The following INSR variants were observed in gnomAD, a reference collection of about 807,000 sequenced individuals.
INSR encodes the protein insulin receptor, also known as IR.
A neutral mutation model predicts 142.6 loss-of-function variants in INSR; 67 were observed. The observed-to-expected ratio is 0.47, with a 90% CI of 0.39 to 0.58. INSR has a LOEUF of 0.58. INSR is among the 20% of genes least tolerant of loss of function. INSR has a pLI of 0.00. For missense variants in INSR, 1,248 were observed against 1,833.2 expected (o/e 0.68, Z 5.83); for synonymous variants, 756 against 743.1 (o/e 1.02, Z -0.28).
In INSR at chr19:7,170,737, T is replaced by C; in HGVS notation, c.1283A>G (p.Tyr428Cys). The C allele has an allele frequency of 6.2e-7, 1 of 1,613,584 alleles. No homozygotes were observed. Among genetic ancestry groups the C allele is most frequent in the Non-Finnish European group, 8.5e-7 (1 of 1,179,530 alleles). The change falls in exon 6 of 22, where the codon TAT (tyrosine) becomes TGT (cysteine). Residue 428 changes from tyrosine to cysteine, a missense_variant. Physicochemically the swap from Tyr to Cys is radical, Grantham distance 194. This residue lies in a region of INSR where 1,069 missense variants were observed against 1,654.0 expected (regional missense o/e 0.65). Transcript: ENST00000302850. ...CCTTAGGTTCTGGTTGTCCAAGGCATAGAAGGAGTAGTTCCTATGGAAAAA... is the reference window on the plus strand; with the variant it reads ...CCTTAGGTTCTGGTTGTCCAAGGCACAGAAGGAGTAGTTCCTATGGAAAAA... ...ETLEIGNYSF[Y>C]ALDNQNLRQL...
At position 7,223,556 on chromosome 19, in the gene INSR, C is replaced by T. The variant is rs148433579; in HGVS notation, c.653-38919G>A. The stretch of plus-strand genomic sequence containing the variant: ...GTCACCCTAGTGACCCAATTTTGGC[C>T]TCCAGATATTGGCTTCTGGCCAATT... On this transcript the variant is annotated intron_variant, in intron 2 of 21. Transcript: ENST00000302850. Among the ~76,000 whole-genome samples the T allele has an allele frequency of 1.0e-3, 159 of 152,312 alleles. 2 individuals carry two copies. The highest frequency in any genetic ancestry group is 2.7e-3 in the African/African-American group (112 of 41,574).
chr19:7,240,428 A>G (rs1365875598), intron 2 of INSR, among the ~76,000 whole-genome samples: 6 of 152,142 alleles, frequency 3.9e-5, no homozygotes, highest in African/African-American at 1.4e-4. Flanking sequence ...ACAAAAATAC[A>G]TAAATTAGCC....
intron 2 of INSR, among the ~76,000 whole-genome samples, chr19:7,223,363 A>T (rs957303597): frequency 2.6e-5 from 4 of 152,240 alleles, no homozygotes; most frequent in African/African-American, 9.6e-5. Context: ...TTTTGGAGGT[A>T]ACCATTGACA....
intron 6 of INSR, among the ~76,000 whole-genome samples, chr19:7,169,572 G>A (rs1599939752): frequency 1.1e-5 from 1 of 89,420 alleles, no homozygotes; most frequent in South Asian, 3.8e-4. Context: ...GCAAGACTCT[G>A]TCCCAAAAAA....
intron 5 of INSR, among the ~76,000 whole-genome samples, 181 bp downstream of exon 5, chr19:7,172,109 A>C (rs1275656730): frequency 1.3e-5 from 2 of 151,856 alleles, no homozygotes; most frequent in East Asian, 1.9e-4. Context: ...ACAGGGTTTC[A>C]CCATGTTGGC....
At chr19:7,167,574 C>CAAA (rs34670852) in intron 7 of INSR, among the ~76,000 whole-genome samples, 21 of 123,476 alleles carry the variant, frequency 1.7e-4, no homozygotes, top group African/African-American at 6.0e-4. Flanking sequence ...GACTCTGTCT[C>CAAA]AAAAAAAAAA....
At chr19:7,174,432 T>C in intron 4 of INSR, 151 bp downstream of exon 4, 1 of 826,164 alleles carries the variant, frequency 1.2e-6, no homozygotes, top group Non-Finnish European at 2.1e-6. Context: ...ACTCCCAGCA[T>C]GGTTCTATCC....
intron 2 of INSR, among the ~76,000 whole-genome samples, chr19:7,215,725 G>T (rs143138516): frequency 0.091 from 13,837 of 151,572 alleles, 858 homozygotes; most frequent in East Asian, 0.26. Flanking sequence ...ATGCCACCAC[G>T]CCTGGCTAAT....
intron 8 of INSR, among the ~76,000 whole-genome samples, chr19:7,163,639 G>A (rs1973816337): frequency 6.6e-6 from 1 of 151,840 alleles, no homozygotes; most frequent in Admixed American, 6.6e-5. Context: ...AAGTAACGGA[G>A]GTGGCCGAGG....
At chr19:7,121,245 C>T (rs1398031993) in intron 19 of INSR, among the ~76,000 whole-genome samples, 1 of 152,034 alleles carries the variant, frequency 6.6e-6, no homozygotes, top group African/African-American at 2.4e-5. Context: ...GTAATCTACC[C>T]ACCTCAGCCT....
At chr19:7,268,681 A>T in intron 1 of INSR, 1 of 806,576 alleles carries the variant, frequency 1.2e-6, no homozygotes, top group Non-Finnish European at 1.5e-6. Flanking sequence ...GCAAGCACTC[A>T]AACAGTGCCT....
intron 9 of INSR, among the ~76,000 whole-genome samples, chr19:7,161,876 C>T (rs1372278511): frequency 1.3e-5 from 2 of 151,966 alleles, no homozygotes; most frequent in African/African-American, 2.4e-5. Flanking sequence ...GCTTGTGTTA[C>T]GATGTTTAAA....
intron 2 of INSR, among the ~76,000 whole-genome samples, chr19:7,252,101 C>T (rs747031826): frequency 3.5e-4 from 53 of 152,086 alleles, no homozygotes; most frequent in Non-Finnish European, 7.2e-4. Flanking sequence ...TGGCGAAACC[C>T]TGTCTCTACT....
At chr19:7,261,651 C>T (rs893109290) in intron 2 of INSR, among the ~76,000 whole-genome samples, 6 of 152,110 alleles carry the variant, frequency 3.9e-5, no homozygotes, top group African/African-American at 1.4e-4. Context: ...CTGCCTCAGC[C>T]TCCTAAGTAG....
intron 3 of INSR, among the ~76,000 whole-genome samples, chr19:7,182,893 T>C (rs1335541802): frequency 5.7e-5 from 7 of 123,168 alleles, no homozygotes; most frequent in Non-Finnish European, 1.2e-4. Flanking sequence ...TCCTCAATCT[T>C]GGGAATACAC....
At chr19:7,248,921 A>T (rs1976621495) in intron 2 of INSR, among the ~76,000 whole-genome samples, 1 of 151,666 alleles carries the variant, frequency 6.6e-6, no homozygotes, top group African/African-American at 2.4e-5. Flanking sequence ...CACCACGCCC[A>T]GCTAATTAAG....
chr19:7,256,306 G>A (rs1044966467), intron 2 of INSR, among the ~76,000 whole-genome samples: 21 of 152,028 alleles, frequency 1.4e-4, no homozygotes, highest in South Asian at 4.2e-4. Flanking sequence ...ACAATTAGCC[G>A]GGTGTGGTGG....
intron 3 of INSR, among the ~76,000 whole-genome samples, chr19:7,182,069 T>A (rs994578025): frequency 6.6e-6 from 1 of 151,014 alleles, no homozygotes. Context: ...CGGTGGCTCA[T>A]GCCTGTAATC....
intron 2 of INSR, among the ~76,000 whole-genome samples, chr19:7,250,344 G>A (rs1253663300): frequency 2.0e-5 from 3 of 149,156 alleles, no homozygotes; most frequent in Non-Finnish European, 4.5e-5. Context: ...AAAAGAAAGA[G>A]GAGGGAGAAA....
Sources: gnomAD v4.1 joint callset for allele counts (sites outside exome capture counted in the v4.1 genomes callset) on GRCh38, gnomAD v4.1.1 for gene constraint, gnomAD v4.1.1 regional missense constraint, MANE v1.5 for transcripts, NCBI Gene and HGNC (gene_info 2026-07-23, HGNC 2026-07-21) for gene names.